The following GGA3 variants were observed in gnomAD, a reference collection of about 807,000 sequenced individuals.
GGA3 encodes golgi associated, gamma adaptin ear containing, ARF binding protein 3.
A neutral mutation model predicts 77.5 loss-of-function variants in GGA3; 57 were observed. That is an observed-to-expected ratio of 0.74 (90% CI 0.59 to 0.92). The LOEUF (loss-of-function observed/expected upper bound fraction) is 0.92. GGA3 is among the 40% of genes least tolerant of loss of function. The pLI, the probability that GGA3 is intolerant of heterozygous loss-of-function variation, is 0.00. For missense variants in GGA3, 970 were observed against 914.9 expected (o/e 1.06, Z -0.78); for synonymous variants, 416 against 383.7 (o/e 1.08, Z -0.98).
Position 75,237,552 on chromosome 17 carries a change from G to C in GGA3, c.*727C>G, listed in dbSNP as rs1166060280. On this transcript the variant is annotated 3_prime_UTR_variant, in exon 17 of 17. Coordinates refer to ENST00000537686, the MANE Select transcript of GGA3 (RefSeq NM_138619.4). ...CTGCTTCTGGAGAAGGGGAAATACT[G>C]GCTCTCTTCATTTTCCTTCCTATCC... The C allele has an allele frequency of 6.5e-7, 1 of 1,535,776 alleles. No individual in the cohort carries two copies. The highest frequency in any genetic ancestry group is 1.2e-5 in the South Asian group (1 of 84,054).
At chr17:75,240,145 G>T in intron 12 of GGA3, 37 bp from the exon 13 acceptor site, 6 of 1,304,482 alleles carry the variant, frequency 4.6e-6, no homozygotes, top group Non-Finnish European at 6.4e-6. Flanking sequence ...CCGAGGGCGG[G>T]TGGGGAGGGC....
intron 1 of GGA3, among the ~76,000 whole-genome samples, chr17:75,256,640 C>A (rs1384635399): frequency 2.0e-5 from 3 of 152,142 alleles, no homozygotes; most frequent in African/African-American, 7.2e-5. Flanking sequence ...CTTAGAACCT[C>A]ATTTCCTTTC....
chr17:75,254,690 A>G (rs1386424802), intron 1 of GGA3, among the ~76,000 whole-genome samples: 1 of 152,206 alleles, frequency 6.6e-6, no homozygotes, highest in East Asian at 1.9e-4. Flanking sequence ...ACAATAATAG[A>G]GTAGAGGCAG....
intron 8 of GGA3, 36 bp downstream of exon 8, chr17:75,242,300 G>A (rs1267334462): frequency 1.9e-6 from 3 of 1,612,592 alleles, no homozygotes; most frequent in Non-Finnish European, 2.5e-6. Flanking sequence ...GGGCAGCGCA[G>A]CCCCGGGAGG....
intron 1 of GGA3, among the ~76,000 whole-genome samples, chr17:75,254,663 C>A (rs1242454020): frequency 6.6e-6 from 1 of 152,272 alleles, no homozygotes; most frequent in East Asian, 1.9e-4. Context: ...ACTTAATTAA[C>A]CTCGCCTTCA....
At chr17:75,239,250 G>C in intron 14 of GGA3, 125 bp downstream of exon 14, 1 of 984,968 alleles carries the variant, frequency 1.0e-6, no homozygotes, top group Admixed American at 2.8e-5. Flanking sequence ...AATGCAGGCA[G>C]GGAGGCCTGC....
At chr17:75,242,251 C>T in intron 8 of GGA3, 85 bp downstream of exon 8, 1 of 1,400,740 alleles carries the variant, frequency 7.1e-7, no homozygotes, top group Non-Finnish European at 1.0e-6. Context: ...GTGTCTCTGA[C>T]AAGGCACGTG....
Position 75,243,093 on chromosome 17 carries a change from GT to G in GGA3, c.497del (p.Asn166ThrfsTer13). The G allele has an allele frequency of 6.2e-7, 1 of 1,613,440 alleles. No homozygotes were observed. The highest frequency in any genetic ancestry group is 8.5e-7 in the Non-Finnish European group (1 of 1,179,550). ...ACTTCTCCTCATCATCAAAAACAGG[GT>G]TTTTGGGACGAGGTGGTGGAGAGGG... ...LIPSPPPRPKNPVFDDEEKSK... is the reference protein window; with the variant it reads ...LIPSPPPRPKXPVFDDEEKSK... On this transcript the variant is annotated frameshift_variant, in exon 6 of 17. Coordinates refer to ENST00000537686, the MANE Select transcript of GGA3 (RefSeq NM_138619.4). LOFTEE classifies it high-confidence loss of function.
chr17:75,240,076 G>T lies in GGA3; in HGVS notation c.1296C>A (p.Pro432=). Residue 432 remains proline (P), a synonymous_variant, in exon 13 of 17, where the codon CCC becomes CCA. Transcript: ENST00000537686. ...CGCCACAGGCAGCGGTCCCCGGCCT[G>T]GGGCTGAAGAAGTCCAGGTCGGACT... ...REQSDLDFFS[P]RPGTAACGAS... 6.4e-7 allele frequency: 1 copy of T among 1,551,138 alleles called. No homozygotes were observed.
chr17:75,261,964 G>C, upstream of GGA3: 2 of 1,606,418 alleles, frequency 1.2e-6, no homozygotes, highest in Non-Finnish European at 1.7e-6. Context: ...CGTGCGGCGG[G>C]CTGTCTTGCA....
At chr17:75,257,515 ACT>A (rs1378295967) in intron 1 of GGA3, among the ~76,000 whole-genome samples, 1 of 151,952 alleles carries the variant, frequency 6.6e-6, no homozygotes, top group East Asian at 1.9e-4. Flanking sequence ...CTCCTTAGGC[ACT>A]CTCTAATCAG....
chr17:75,242,903 G>A lies in GGA3; in HGVS notation c.537C>T (p.Ala179=). ...CTGGGTTTTTGCTTTTCAGCAGCTT[G>A]GCTAAAAGCTGAGAGAGGAGGAAAT... ...FDDEEKSKLL[A]KLLKSKNPDD... Residue 179 remains alanine (A), a synonymous_variant, in exon 7 of 17, where the codon GCC becomes GCT. Transcript: ENST00000537686. The A allele has an allele frequency of 1.2e-6, 2 of 1,613,068 alleles. No individual in the cohort carries two copies. Among genetic ancestry groups the A allele is most frequent in the Non-Finnish European group, 8.5e-7 (1 of 1,179,030 alleles).
Position 75,261,562 on chromosome 17 carries a change from A to T in GGA3, c.26T>A (p.Leu9Gln). The stretch of plus-strand genomic sequence containing the variant: ...CGGCTACTCACTGAGCCAGGACTCC[A>T]GGCTTTCCCCTTCCGCCTCCGCCAT... MAEAEGES[L>Q]ESWLNKATNP... is the part of the protein sequence containing the mutation. Residue 9 changes from leucine to glutamine, a missense_variant, in exon 1 of 17, where the codon CTG becomes CAG. By Grantham distance (113) the Leu-to-Gln change is moderately radical. Coordinates refer to ENST00000537686, the MANE Select transcript of GGA3 (RefSeq NM_138619.4). 1.3e-6 allele frequency: 2 copies of T among 1,553,110 alleles called. No individual in the cohort carries two copies. The highest frequency in any genetic ancestry group is 2.0e-5 in the Admixed American group (1 of 49,812).
chr17:75,242,159 GCA>G, intron 8 of GGA3, 175 bp downstream of exon 8: 1 of 693,866 alleles, frequency 1.4e-6, no homozygotes, highest in South Asian at 1.7e-5. Flanking sequence ...ATCCCAGGAG[GCA>G]AATGGGGACG....
intron 1 of GGA3, among the ~76,000 whole-genome samples, chr17:75,254,961 T>G (rs2077092781): frequency 6.6e-6 from 1 of 152,182 alleles, no homozygotes; most frequent in African/African-American, 2.4e-5. Context: ...TCAACTCACC[T>G]GACAGCCACT....
intron 3 of GGA3, 127 bp downstream of exon 3, chr17:75,246,382 T>C (rs1366884106): frequency 6.0e-6 from 4 of 671,320 alleles, no homozygotes; most frequent in Non-Finnish European, 1.1e-5. Context: ...TCGAGATCTA[T>C]CTAGTCTGTA....
chr17:75,241,479 G>A lies in GGA3; in HGVS notation c.867C>T (p.Val289=). ...CAATAATTGTTTTGTAAGAGTTGAT[G>A]ACCCGGGAGAGGTTGTCACTGGCTT... ...ILQASDNLSR[V]INSYKTIIEG... is the part of the protein sequence containing the mutation. The change falls in exon 10 of 17, where the codon GTC becomes GTT. Residue 289 remains valine, a synonymous_variant. Transcript: ENST00000537686. 6.2e-7 allele frequency: 1 copy of A among 1,613,852 alleles called. No individual in the cohort carries two copies. Among genetic ancestry groups the A allele is most frequent in the Non-Finnish European group, 8.5e-7 (1 of 1,179,748 alleles).
intron 16 of GGA3, 90 bp from the exon 17 acceptor site, chr17:75,238,479 T>A: frequency 8.4e-7 from 1 of 1,196,198 alleles, no homozygotes; most frequent in Middle Eastern, 2.1e-4. Flanking sequence ...GCTAGAGGAA[T>A]GGTCCCTTTT....
rs1246080348 is a variant in GGA3, at chr17:75,237,937, C to CCCCCACT, written c.*341_*342insAGTGGGG. ...GAGACTCCCACCCCCCACCCCCCAC[C>CCCCCACT]CCAGTGGCTTCAGTGAATGCCAGTA... On this transcript the variant is annotated 3_prime_UTR_variant, in exon 17 of 17. Coordinates refer to ENST00000537686, the MANE Select transcript of GGA3 (RefSeq NM_138619.4). The CCCCCACT allele has an allele frequency of 0.21, 162,611 of 775,390 alleles. 13,704 individuals are homozygous for CCCCCACT. The highest frequency in any genetic ancestry group is 0.29 in the Middle Eastern group (594 of 2,036). The allele number at this position is 775,390 out of a possible 1,614,324, so 48.0% of individuals were successfully genotyped here.
Sources: allele counts gnomAD v4.1 joint callset (sites outside exome capture counted in the v4.1 genomes callset), GRCh38; gene constraint gnomAD v4.1.1; transcripts MANE v1.5; gene names NCBI Gene and HGNC (gene_info 2026-07-23, HGNC 2026-07-21).